Variants in NUP188 observed in about 807,000 individuals in gnomAD.
NUP188 encodes the protein nucleoporin NUP188.
A neutral mutation model predicts 223.0 loss-of-function variants in NUP188; 97 were observed. The observed-to-expected ratio is 0.43, with a 90% CI of 0.37 to 0.51. NUP188 has a LOEUF of 0.51. NUP188 is among the 20% of genes least tolerant of loss of function. The pLI is 0.00. For missense variants in NUP188, 1,947 were observed against 2,175.6 expected (o/e 0.89, Z 2.09); for synonymous variants, 869 against 828.0 (o/e 1.05, Z -0.85).
intron 38 of NUP188, 87 bp downstream of exon 38, chr9:129,003,541 A>C: frequency 1.4e-6 from 2 of 1,441,362 alleles, no homozygotes; most frequent in Non-Finnish European, 1.9e-6. Context: ...CTCCTAGTGA[A>C]TTGCAGGATG....
intron 15 of NUP188, 32 bp downstream of exon 15, chr9:128,981,422 C>CTTTT: frequency 7.1e-7 from 1 of 1,399,488 alleles, no homozygotes. Flanking sequence ...TTTATGACAG[C>CTTTT]TTTTTTTTTT....
chr9:129,005,179 C>T lies in NUP188; in HGVS notation c.4467C>T (p.Thr1489=), dbSNP rs1337580072. The T allele has an allele frequency of 6.2e-7, 1 of 1,614,134 alleles. No homozygotes were observed. Among genetic ancestry groups the T allele is most frequent in the South Asian group, 1.1e-5 (1 of 91,082 alleles). ...VNLGYLCQAC[T]SLLHSRKMLQ... ...TGGGTTACTTGTGCCAGGCATGTAC[C>T]TCTCTCCTGCACAGTCGAAAGATGC... Residue 1489 remains threonine (T), a synonymous_variant, in exon 39 of 44, where the codon ACC becomes ACT. Transcript: ENST00000372577.
chr9:129,002,033 A>G lies in NUP188; in HGVS notation c.4137+57A>G. ...CCTGACCACCCTACAGTTCCAGTTG[A>G]AAAGTGTCCTCCCCTACCTTTCCCC... On this transcript the variant is annotated intron_variant, in intron 36 of 43. Transcript: ENST00000372577. The G allele has an allele frequency of 2.2e-6, 3 of 1,380,874 alleles. No individual in the cohort carries two copies. In the South Asian group the frequency reaches 3.5e-5, roughly 16 times the overall value. The allele number at this position is 1,380,874 out of a possible 1,614,324, so 85.5% of individuals were successfully genotyped here. A position where few individuals can be genotyped will look rare whatever the true frequency, so the allele number is the denominator to read the frequency against.
At position 129,006,132 on chromosome 9, in the gene NUP188, T is replaced by C; in HGVS notation, c.4943+9T>C. 6.2e-7 allele frequency: 1 copy of C among 1,614,104 alleles called. No individual in the cohort carries two copies. The highest frequency in any genetic ancestry group is 1.1e-5 in the South Asian group (1 of 91,088). On this transcript the variant is annotated intron_variant, in intron 42 of 43. Transcript: ENST00000372577. ...GGGACCAGGACGTTAAAGTAAGTGC[T>C]CTTTCTGGGATTTGATAAGGGGCTG...
chr9:128,984,533 G>A (rs1056545195), intron 19 of NUP188, among the ~76,000 whole-genome samples: 4 of 152,150 alleles, frequency 2.6e-5, no homozygotes, highest in South Asian at 2.1e-4. Flanking sequence ...TTGGTGTCCC[G>A]TTATTAAGCC....
chr9:128,968,162 A>G (rs1455362513), intron 8 of NUP188, among the ~76,000 whole-genome samples: 2 of 152,002 alleles, frequency 1.3e-5, no homozygotes, highest in Non-Finnish European at 2.9e-5. Flanking sequence ...ACTACTCGAG[A>G]GGCTCAGGTG....
In NUP188 at chr9:128,974,094, A is replaced by G. The variant is rs149647402; in HGVS notation, c.1203+845A>G. Among the ~76,000 whole-genome samples, 406 of 152,086 alleles carry G rather than the reference A, an allele frequency of 2.7e-3. 7 individuals are homozygous for G. The East Asian group carries it at 0.042, about 16-fold the overall frequency. Reference sequence around the variant, plus strand: ...CCCGGCTAATTTTTTTATTTTTGGTAGAGACGGGGTTTCACCATCTTGGCC... The same window carrying G: ...CCCGGCTAATTTTTTTATTTTTGGTGGAGACGGGGTTTCACCATCTTGGCC... On this transcript the variant is annotated intron_variant, in intron 12 of 43. Coordinates refer to ENST00000372577, the MANE Select transcript of NUP188 (RefSeq NM_015354.3).
At chr9:128,997,777 G>C (rs1842554703) in intron 30 of NUP188, among the ~76,000 whole-genome samples, 1 of 152,148 alleles carries the variant, frequency 6.6e-6, no homozygotes, top group East Asian at 1.9e-4. Flanking sequence ...CTGGAGTGCA[G>C]TGGTGCGATC....
At chr9:128,961,921 G>T (rs1841960945) in intron 8 of NUP188, among the ~76,000 whole-genome samples, 1 of 145,272 alleles carries the variant, frequency 6.9e-6, no homozygotes, top group South Asian at 2.2e-4. Context: ...ACCATGCCCG[G>T]CCTAGGACAT....
intron 38 of NUP188, chr9:129,003,958 G>A: frequency 5.3e-6 from 1 of 188,006 alleles, no homozygotes; most frequent in Non-Finnish European, 1.1e-5. Context: ...GGGTGACAGA[G>A]CGAGACTCCG....
Position 128,999,721 on chromosome 9 carries a change from G to A in NUP188, c.3759G>A (p.Leu1253=). 6.2e-7 allele frequency: 1 copy of A among 1,614,232 alleles called. No individual in the cohort carries two copies. The highest frequency in any genetic ancestry group is 1.3e-5 in the African/African-American group (1 of 75,060). ...IALFDQTRHS[L]ALGSATEDKD... ...TCTTCGACCAGACCCGCCACAGTCT[G>A]GCATTAGGCAGTGCCACAGAGGACA... The change falls in exon 34 of 44, where the codon CTG becomes CTA. Residue 1253 remains leucine, a synonymous_variant. Coordinates refer to ENST00000372577, the MANE Select transcript of NUP188 (RefSeq NM_015354.3).
chr9:128,999,595 GAC>G (rs1465335282), intron 33 of NUP188, 27 bp from the exon 34 acceptor site: 1 of 1,608,836 alleles, frequency 6.2e-7, no homozygotes, highest in Non-Finnish European at 8.5e-7. Context: ...TGGTGAGCAT[GAC>G]AGTGTCCCTC....
chr9:128,995,652 G>T, intron 30 of NUP188, 138 bp downstream of exon 30: 1 of 743,414 alleles, frequency 1.3e-6, no homozygotes, highest in Non-Finnish European at 2.2e-6. Context: ...TAGGTTCTAT[G>T]CTGAGAGATT....
In NUP188 at chr9:128,970,949, G is replaced by A. The variant is rs1842097367; in HGVS notation, c.1104G>A (p.Gly368=). The A allele has an allele frequency of 2.5e-6, 4 of 1,613,508 alleles. No homozygotes were observed. The highest frequency in any genetic ancestry group is 1.7e-5 in the Admixed American group (1 of 59,962). Residue 368 remains glycine, a synonymous_variant, in exon 11 of 44, where the codon GGG becomes GGA. Coordinates refer to ENST00000372577, the MANE Select transcript of NUP188 (RefSeq NM_015354.3). ...LTRLLQSLAS[G]GNDCTTSTAC... ...GATTGCTCCAGTCCCTTGCCAGTGG[G>A]GGAAATGATGTGAGTTTAAGGCTCT...
At position 128,957,998 on chromosome 9, in the gene NUP188, T is replaced by G; in HGVS notation, c.328-12T>G. On this transcript the variant is annotated splice_polypyrimidine_tract_variant and intron_variant, in intron 5 of 43. Transcript: ENST00000372577. ...AAAGATGGCCTCTTAACTGCTCTGTTTTTCTTTTCAGACAGTACTGCAAGA... is the reference window on the plus strand; with the variant it reads ...AAAGATGGCCTCTTAACTGCTCTGTGTTTCTTTTCAGACAGTACTGCAAGA... The G allele has an allele frequency of 6.2e-7, 1 of 1,610,076 alleles. No homozygotes were observed. Among genetic ancestry groups the G allele is most frequent in the East Asian group, 2.2e-5 (1 of 44,774 alleles).
chr9:128,951,954 AG>A (rs1841794703), intron 2 of NUP188, among the ~76,000 whole-genome samples: 1 of 151,974 alleles, frequency 6.6e-6, no homozygotes, highest in African/African-American at 2.4e-5. Context: ...CACCACGCCC[AG>A]CTAATTTTGT....
At position 129,001,472 on chromosome 9, in the gene NUP188, G is replaced by A. The variant is rs141882628; in HGVS notation, c.3844-57G>A. 3,235 of 1,560,956 alleles carry A rather than the reference G, an allele frequency of 2.1e-3. 8 individuals are homozygous for A. The highest frequency in any genetic ancestry group is 2.4e-3 in the Non-Finnish European group (2,718 of 1,137,716). Reference sequence around the variant, plus strand: ...GCAACCAGGCCCACCGCTGCCTGTCGTCCTCTTCCTCCTCCTCTTCTTCTT... The same window carrying A: ...GCAACCAGGCCCACCGCTGCCTGTCATCCTCTTCCTCCTCCTCTTCTTCTT... On this transcript the variant is annotated intron_variant, in intron 34 of 43. Transcript: ENST00000372577.
chr9:128,950,918 A>G (rs1191276307), intron 2 of NUP188, among the ~76,000 whole-genome samples: 1 of 152,064 alleles, frequency 6.6e-6, no homozygotes, highest in Non-Finnish European at 1.5e-5. Flanking sequence ...TTTTAAATCT[A>G]CCTTTGTATT....
At chr9:128,982,462 T>C in intron 15 of NUP188, 87 bp from the exon 16 acceptor site, 10 of 1,195,052 alleles carry the variant, frequency 8.4e-6, no homozygotes, top group Non-Finnish European at 1.2e-5. Flanking sequence ...TGTGTATCTC[T>C]GTGTGTTTAA....
Sources: allele counts gnomAD v4.1 joint callset (sites outside exome capture counted in the v4.1 genomes callset), GRCh38; gene constraint gnomAD v4.1.1; transcripts MANE v1.5; gene names NCBI Gene and HGNC (gene_info 2026-07-23, HGNC 2026-07-21).